Variants in TAF3 observed in about 807,000 individuals in gnomAD.
TAF3 encodes the protein TATA-box binding protein associated factor 3.
In TAF3, 7 loss-of-function variants were observed where a neutral mutation model predicts 80.6. The ratio of observed to expected loss-of-function variants is 0.09; its 90% CI spans 0.05 to 0.16. The LOEUF is 0.16. Among genes scored for constraint, TAF3 ranks in the 10% least tolerant of loss-of-function variants. The probability of loss-of-function intolerance (pLI) is 1.00; values close to 1 mark genes in which losing one functional copy is unlikely to be tolerated. For synonymous variants in TAF3, 444 were observed against 446.1 expected, an observed-to-expected ratio of 1.00 and a Z score of 0.06; for missense variants, 921 against 1,140.2, an observed-to-expected ratio of 0.81 and a Z score of 2.77.
At chr10:7,969,196 A>G (rs1831599833) in intron 3 of TAF3, among the ~76,000 whole-genome samples, 1 of 152,136 alleles carries the variant, frequency 6.6e-6, no homozygotes, top group African/African-American at 2.4e-5. Flanking sequence ...TTAACTAGGC[A>G]TGGTGTTGCA....
chr10:7,885,942 GT>G (rs1199185515), intron 2 of TAF3, among the ~76,000 whole-genome samples: 1 of 151,756 alleles, frequency 6.6e-6, no homozygotes, highest in African/African-American at 2.4e-5. Context: ...TTTTAATTAC[GT>G]TTTTTGAGAC....
intron 2 of TAF3, among the ~76,000 whole-genome samples, chr10:7,941,429 G>C (rs1837974809): frequency 6.6e-6 from 1 of 152,250 alleles, no homozygotes; most frequent in Non-Finnish European, 1.5e-5. Flanking sequence ...ACATGAGGAT[G>C]CTACAGGGGA....
intron 2 of TAF3, among the ~76,000 whole-genome samples, chr10:7,837,160 C>A (rs1213759146): frequency 1.3e-5 from 2 of 152,124 alleles, no homozygotes; most frequent in African/African-American, 4.8e-5. Context: ...GTCAGGAGTT[C>A]AAGACCAGCC....
chr10:7,914,920 G>C (rs2990215), intron 2 of TAF3, among the ~76,000 whole-genome samples: 140,942 of 145,156 alleles, frequency 0.97, 68,598 homozygotes, highest in Non-Finnish European at 1. Flanking sequence ...TGAAAGCCTC[G>C]GTGCTCCCAG....
At chr10:8,006,056 A>G (rs139218204) in intron 4 of TAF3, among the ~76,000 whole-genome samples, 57 of 152,290 alleles carry the variant, frequency 3.7e-4, no homozygotes, top group African/African-American at 1.3e-3. Flanking sequence ...AAGGCCGGGC[A>G]CCGTGGCTTA....
intron 2 of TAF3, among the ~76,000 whole-genome samples, chr10:7,957,794 GCTCT>G (rs376837630): frequency 5.0e-4 from 66 of 130,730 alleles, no homozygotes; most frequent in African/African-American, 1.4e-3. Flanking sequence ...TCTCTAGCGC[GCTCT>G]CTCTCTCTCT....
chr10:7,872,933 C>T (rs1199015131), intron 2 of TAF3, among the ~76,000 whole-genome samples: 1 of 152,050 alleles, frequency 6.6e-6, no homozygotes, highest in African/African-American at 2.4e-5. Context: ...AGAATCCAAG[C>T]CTGAATTTTG....
chr10:7,929,259 G>GTT (rs35565870), intron 2 of TAF3, among the ~76,000 whole-genome samples: 151 of 147,528 alleles, frequency 1.0e-3, no homozygotes, highest in Middle Eastern at 6.9e-3. Context: ...TTTTTTTGTT[G>GTT]TTTTTTTTTT....
chr10:8,009,119 C>T lies in TAF3; in HGVS notation c.2357C>T (p.Ala786Val), dbSNP rs1179839592. The change falls in exon 5 of 7, where the codon GCG (alanine) becomes GTG (valine). Residue 786 changes from alanine (A) to valine (V), a missense_variant. This residue lies in a region of TAF3 where 743 missense variants were observed against 821.0 expected (regional missense o/e 0.90). Coordinates refer to ENST00000344293, the MANE Select transcript of TAF3 (RefSeq NM_031923.4). The surrounding 1 kb of genome is among the most constrained non-coding windows in gnomAD (Gnocchi z 4.1). Reference sequence around the variant, plus strand: ...GTCCCTGCCCCCGAGGCCAAGCCGGCGCCCTCGCAGAACAGGCCGAAGACC... The same window carrying T: ...GTCCCTGCCCCCGAGGCCAAGCCGGTGCCCTCGCAGAACAGGCCGAAGACC... ...KVVPAPEAKP[A>V]PSQNRPKTPP... The T allele has an allele frequency of 2.5e-6, 4 of 1,599,592 alleles. No homozygotes were observed. Among genetic ancestry groups the T allele is most frequent in the Middle Eastern group, 3.3e-4 (2 of 6,030 alleles).
intron 2 of TAF3, among the ~76,000 whole-genome samples, chr10:7,868,143 G>A (rs546359242): frequency 6.6e-6 from 1 of 152,256 alleles, no homozygotes; most frequent in East Asian, 1.9e-4. Context: ...GGCATGTGTA[G>A]TTCAAAGCCA....
chr10:7,895,889 G>A (rs965166401), intron 2 of TAF3, among the ~76,000 whole-genome samples: 6 of 152,182 alleles, frequency 3.9e-5, no homozygotes, highest in African/African-American at 9.7e-5. Context: ...CCACCCCTGC[G>A]CCTAGTTATC....
At chr10:7,829,592 T>G (rs1383759309) in intron 2 of TAF3, among the ~76,000 whole-genome samples, 2 of 152,174 alleles carry the variant, frequency 1.3e-5, no homozygotes, top group African/African-American at 4.8e-5. Context: ...TATGAGATCT[T>G]GGGGAGAAAG....
At chr10:7,994,555 C>G (rs992466177) in intron 4 of TAF3, among the ~76,000 whole-genome samples, 2 of 152,228 alleles carry the variant, frequency 1.3e-5, no homozygotes, top group Admixed American at 6.5e-5. Flanking sequence ...CACTGTGTTG[C>G]CCAGGCTGGT....
At position 7,958,744 on chromosome 10, in the gene TAF3, C is replaced by T. The variant is rs551937426; in HGVS notation, c.410-5176C>T. On this transcript the variant is annotated intron_variant, in intron 2 of 6. Coordinates refer to ENST00000344293, the MANE Select transcript of TAF3 (RefSeq NM_031923.4). ...ACTGATTATTATGCTTCATAACTTC[C>T]ACGCGCGTTACTTATTCCTGCTGGT... 2.0e-5 allele frequency among the ~76,000 whole-genome samples: 3 copies of T among 152,306 alleles called. No homozygotes were observed. The South Asian group carries it at 6.2e-4, about 32-fold the overall frequency.
In TAF3 at chr10:7,928,306, C is replaced by G. The variant is rs566711395; in HGVS notation, c.410-35614C>G. Among the ~76,000 whole-genome samples the G allele has an allele frequency of 2.4e-4, 37 of 152,246 alleles. No individual in the cohort carries two copies. In the South Asian group the frequency reaches 6.4e-3, roughly 27 times the overall value. ...GATACCTAGTGCCACATAGGAAGTA[C>G]TTAAGTATTTTTTGAGTGAGCTAAT... On this transcript the variant is annotated intron_variant, in intron 2 of 6. Transcript: ENST00000344293.
At chr10:7,972,185 T>A (rs767707760) in intron 3 of TAF3, among the ~76,000 whole-genome samples, 1 of 152,034 alleles carries the variant, frequency 6.6e-6, no homozygotes, top group Non-Finnish European at 1.5e-5. Context: ...TTGTTTGTTG[T>A]TTTTGGTAAG....
chr10:7,934,930 G>A (rs751967838), intron 2 of TAF3, among the ~76,000 whole-genome samples: 13 of 152,084 alleles, frequency 8.5e-5, no homozygotes, highest in African/African-American at 2.2e-4. Context: ...AGTCTGTACC[G>A]TCATGAAGCT....
intron 2 of TAF3, among the ~76,000 whole-genome samples, chr10:7,869,075 T>C (rs1389570139): frequency 6.6e-6 from 1 of 152,194 alleles, no homozygotes; most frequent in Non-Finnish European, 1.5e-5. Context: ...CTATTTTGCT[T>C]GTTAATCTAA....
In TAF3 at chr10:7,899,656, A is replaced by G. The variant is rs563116576; in HGVS notation, c.410-64264A>G. On this transcript the variant is annotated intron_variant, in intron 2 of 6. Transcript: ENST00000344293. ...GATACTGAAGAACACAAAGGAAGAA[A>G]TCAGAGGAAAAGCTTAGATGTTCAC... 2.6e-5 allele frequency among the ~76,000 whole-genome samples: 4 copies of G among 152,342 alleles called. No individual in the cohort carries two copies. In the South Asian group the frequency reaches 8.3e-4, roughly 32 times the overall value.
Sources: allele counts gnomAD v4.1 joint callset (sites outside exome capture counted in the v4.1 genomes callset), GRCh38; gene constraint gnomAD v4.1.1; regional missense constraint gnomAD v4.1.1; non-coding constraint Gnocchi (gnomAD v3.1); transcripts MANE v1.5; gene names NCBI Gene and HGNC (gene_info 2026-07-23, HGNC 2026-07-21).